MACF1: variants seen among roughly 807,000 people sequenced by gnomAD.
The protein encoded by MACF1 is microtubule actin crosslinking factor 1.
Under a neutral mutation model 854.8 loss-of-function variants are expected in MACF1, and 193 were observed. The observed-to-expected ratio is 0.23, with a 90% CI of 0.20 to 0.25. The LOEUF (loss-of-function observed/expected upper bound fraction) is 0.25, where lower values mean the gene tolerates loss of function less well. Ranked by LOEUF, MACF1 falls within the 10% of genes least tolerant of loss-of-function variation. The probability of loss-of-function intolerance (pLI) is 1.00; values close to 1 mark genes in which losing one functional copy is unlikely to be tolerated. For missense variants in MACF1, 7,722 were observed against 8,929.1 expected, an observed-to-expected ratio of 0.86 and a Z score of 5.45; for synonymous variants, 3,185 against 3,226.7, an observed-to-expected ratio of 0.99 and a Z score of 0.44.
chr1:39,365,088 T>TC (rs1648574874), intron 49 of MACF1, among the ~76,000 whole-genome samples: 1 of 152,144 alleles, frequency 6.6e-6, no homozygotes, highest in Non-Finnish European at 1.5e-5. Context: ...ACTTTTTTTT[T>TC]CTTTTTGAGA....
At position 39,387,857 on chromosome 1, in the gene MACF1, C is replaced by A. The variant is rs369137678; in HGVS notation, c.15015C>A (p.Leu5005=). ...AGCTGCAGGCCAAAACAGGGTCACT[C>A]GAAGAAATGACTCAGAGGCTCAGGG... The part of the protein sequence containing the change: ...TEELQAKTGS[L]EEMTQRLREF... Residue 5005 remains leucine, a synonymous_variant, in exon 58 of 101, where the codon CTC becomes CTA. Transcript: ENST00000564288. 3 of 1,613,906 alleles carry A rather than the reference C, an allele frequency of 1.9e-6. No individual in the cohort carries two copies. The highest frequency in any genetic ancestry group is 1.7e-6 in the Non-Finnish European group (2 of 1,180,010).
chr1:39,311,411 T>TG (rs1161546877), intron 26 of MACF1, among the ~76,000 whole-genome samples: 1 of 152,236 alleles, frequency 6.6e-6, no homozygotes, highest in East Asian at 1.9e-4. Flanking sequence ...CTCTGATACA[T>TG]GCTCTGTCTG....
intron 40 of MACF1, among the ~76,000 whole-genome samples, chr1:39,344,121 A>G (rs974970803): frequency 1.3e-5 from 2 of 148,934 alleles, no homozygotes; most frequent in Non-Finnish European, 3.0e-5. Context: ...ATCTCAAAAA[A>G]AAAAAAAGAA....
At chr1:39,171,197 TTC>T (rs1643943268) in intron 2 of MACF1, among the ~76,000 whole-genome samples, 2 of 137,780 alleles carry the variant, frequency 1.5e-5, no homozygotes, top group South Asian at 2.6e-4. Flanking sequence ...ATTGTAATCT[TTC>T]TGTTTGTGTG....
intron 2 of MACF1, among the ~76,000 whole-genome samples, chr1:39,140,127 G>C (rs1643306241): frequency 6.6e-6 from 1 of 151,874 alleles, no homozygotes; most frequent in South Asian, 2.1e-4. Context: ...CTAAATTTTT[G>C]TGTTTTTTGT....
chr1:39,333,572 G>A lies in MACF1; in HGVS notation c.6984G>A (p.Lys2328=). The A allele has an allele frequency of 1.2e-6, 2 of 1,614,214 alleles. No homozygotes were observed. The highest frequency in any genetic ancestry group is 1.7e-6 in the Non-Finnish European group (2 of 1,180,030). ...ACACTGCCGTGAAGCTTATGGAGAAGCTGAACATGTTTCAGGGGTTCTTTG... is the reference window on the plus strand; with the variant it reads ...ACACTGCCGTGAAGCTTATGGAGAAACTGAACATGTTTCAGGGGTTCTTTG... ...PSHTAVKLME[K]LNMFQGFFDS... The change falls in exon 37 of 101, where the codon AAG becomes AAA. Residue 2328 remains lysine (K), a synonymous_variant. Transcript: ENST00000564288.
rs1009750531 is a variant in MACF1, at chr1:39,480,156, A to G, written c.22170+147A>G. On this transcript the variant is annotated intron_variant, in intron 98 of 100. Coordinates refer to ENST00000564288, the MANE Select transcript of MACF1 (RefSeq NM_001394062.1). ...TATTTTAGAAATAAAACGTGAAAAC[A>G]CACAGATCAAGACTGCCCTGTTCCT... 9.3e-6 allele frequency: 5 copies of G among 535,946 alleles called. No individual in the cohort carries two copies. In the African/African-American group the frequency reaches 9.5e-5, roughly 10 times the overall value. The allele number at this position is 535,946 out of a possible 1,614,324, so 33.2% of individuals were successfully genotyped here. A position where few individuals can be genotyped will look rare whatever the true frequency, so the allele number is the denominator to read the frequency against.
chr1:39,089,628 T>G, intron 2 of MACF1, among the ~76,000 whole-genome samples: 1 of 152,186 alleles, frequency 6.6e-6, no homozygotes, highest in East Asian at 1.9e-4. Context: ...AAGCTGGAGC[T>G]TACTCCTCTG....
chr1:39,182,763 G>T (rs1644121584), intron 2 of MACF1, among the ~76,000 whole-genome samples: 1 of 152,182 alleles, frequency 6.6e-6, no homozygotes, highest in Non-Finnish European at 1.5e-5. Context: ...ATAAAATGGT[G>T]CACCTGCTTT....
intron 58 of MACF1, chr1:39,412,246 A>G: frequency 6.2e-7 from 1 of 1,614,002 alleles, no homozygotes; most frequent in Non-Finnish European, 8.5e-7. Flanking sequence ...TCATGAACTA[A>G]CAGATGTTAC....
intron 24 of MACF1, 96 bp downstream of exon 24, chr1:39,309,792 A>G (rs1646261540): frequency 2.2e-6 from 3 of 1,369,146 alleles, no homozygotes; most frequent in Admixed American, 4.2e-5. Context: ...CCCCACCCAA[A>G]TGGAGTAAAG....
At position 39,448,620 on chromosome 1, in the gene MACF1, G is replaced by A; in HGVS notation, c.20115G>A (p.Lys6705=). ...HKEFQKTLGG[K]QPVYDTTIRT... is the part of the protein sequence containing the mutation. ...AGTTTCAGAAGACTCTTGGTGGCAA[G>A]CAGCCTGTGTATGATACCACAATTA... Residue 6705 remains lysine (K), a synonymous_variant, in exon 84 of 101, where the codon AAG becomes AAA. Coordinates refer to ENST00000564288, the MANE Select transcript of MACF1 (RefSeq NM_001394062.1). 1 of 1,575,242 alleles carries A rather than the reference G, an allele frequency of 6.3e-7. No homozygotes were observed. The highest frequency in any genetic ancestry group is 1.2e-5 in the South Asian group (1 of 84,782).
chr1:39,309,815 T>C, intron 24 of MACF1, 119 bp downstream of exon 24: 1 of 1,112,260 alleles, frequency 9.0e-7, no homozygotes, highest in Middle Eastern at 2.1e-4. Flanking sequence ...GACTCAGGAA[T>C]ACCATTTTAG....
In MACF1 at chr1:39,346,310, C is replaced by T. The variant is rs547911996; in HGVS notation, c.10582-667C>T. Among the ~76,000 whole-genome samples the T allele has an allele frequency of 3.0e-4, 45 of 151,642 alleles. 1 individual carries two copies. Among genetic ancestry groups the T allele is most frequent in the African/African-American group, 1.1e-3 (44 of 41,368 alleles). ...CTGGGAGGCAGAGCTTGCAGTGAGC[C>T]GAGATGGCGCCCCTGTACTCCAGCC... On this transcript the variant is annotated intron_variant, in intron 40 of 100. Transcript: ENST00000564288.
chr1:39,280,914 C>T (rs528535680), intron 6 of MACF1, among the ~76,000 whole-genome samples: 1 of 152,306 alleles, frequency 6.6e-6, no homozygotes, highest in Non-Finnish European at 1.5e-5. Flanking sequence ...TACAGACTGT[C>T]AGTGCTGTGG....
In MACF1 at chr1:39,310,268, G is replaced by A. The variant is rs1245259165; in HGVS notation, c.2940G>A (p.Glu980=). The stretch of plus-strand genomic sequence containing the variant: ...AGCTTCGATCCTCAGCACCAGGGGA[G>A]TGCCATCAGATTATGAAGAACCTTC... ...LEKLRSSAPG[E]CHQIMKNLQA... The change falls in exon 25 of 101, where the codon GAG becomes GAA. Residue 980 remains glutamate (E), a synonymous_variant. Coordinates refer to ENST00000564288, the MANE Select transcript of MACF1 (RefSeq NM_001394062.1). 2 of 1,613,662 alleles carry A rather than the reference G, an allele frequency of 1.2e-6. No homozygotes were observed. Among genetic ancestry groups the A allele is most frequent in the African/African-American group, 1.3e-5 (1 of 74,900 alleles).
rs1169024144 is a variant in MACF1, at chr1:39,453,853, G to A, written c.20886+3G>A. 4.3e-6 allele frequency: 7 copies of A among 1,614,150 alleles called. No homozygotes were observed. The highest frequency in any genetic ancestry group is 2.7e-5 in the African/African-American group (2 of 75,034). On this transcript the variant is annotated splice_donor_region_variant and intron_variant, in intron 88 of 100. Transcript: ENST00000564288. Reference sequence around the variant, plus strand: ...TCATCCGAGCTCGCTTCGAGGAGGTGAGTCCCTGGTTCAGAGGAGGACTGC... The same window carrying A: ...TCATCCGAGCTCGCTTCGAGGAGGTAAGTCCCTGGTTCAGAGGAGGACTGC...
intron 72 of MACF1, 83 bp downstream of exon 72, chr1:39,439,583 C>T: frequency 9.0e-7 from 1 of 1,109,206 alleles, no homozygotes; most frequent in Non-Finnish European, 1.3e-6. Flanking sequence ...GGTATGTTAA[C>T]TGCTTAGCCA....
rs745399595 is a variant in MACF1 at position 39,447,573 on chromosome 1, A to G, written c.19747A>G (p.Ile6583Val). Residue 6583 changes from isoleucine to valine, a missense_variant, in exon 81 of 101, where the codon ATA becomes GTA. By Grantham distance (29) the Ile-to-Val change is conservative. Transcript: ENST00000564288. ...GATTCTAAATACTGTCCTTTCCCAG[A>G]TAGAAGAGCACAAGGTAAGTATGAT... Reference protein sequence around the residue: ...SLILNTVLSQIEEHKVFANEV... With the variant: ...SLILNTVLSQVEEHKVFANEV... 1.1e-5 allele frequency: 18 copies of G among 1,614,208 alleles called. No individual in the cohort carries two copies. The highest frequency in any genetic ancestry group is 1.6e-4 in the Middle Eastern group (1 of 6,062).
Sources: gnomAD v4.1 joint callset for allele counts (sites outside exome capture counted in the v4.1 genomes callset) on GRCh38, gnomAD v4.1.1 for gene constraint, MANE v1.5 for transcripts, NCBI Gene and HGNC (gene_info 2026-07-23, HGNC 2026-07-21) for gene names.